FMN1: variants seen among roughly 807,000 people sequenced by gnomAD.
The protein encoded by FMN1 is formin 1.
In FMN1, 110 loss-of-function variants were observed where a neutral mutation model predicts 132.4. That is an observed-to-expected ratio of 0.83 (90% confidence interval 0.71 to 0.97). The LOEUF (loss-of-function observed/expected upper bound fraction) is 0.97, where lower values mean the gene tolerates loss of function less well. Among genes scored for constraint, FMN1 ranks in the 50% least tolerant of loss-of-function variants. The probability of loss-of-function intolerance (pLI) is 0.00; values close to 1 mark genes in which losing one functional copy is unlikely to be tolerated. For synonymous variants in FMN1, 722 were observed against 651.7 expected, an observed-to-expected ratio of 1.11 and a Z score of -1.64; for missense variants, 1,792 against 1,705.3, an observed-to-expected ratio of 1.05 and a Z score of -0.90.
At chr15:32,902,649 A>G (rs1172018867) in intron 12 of FMN1, among the ~76,000 whole-genome samples, 1 of 152,234 alleles carries the variant, frequency 6.6e-6, no homozygotes, top group Non-Finnish European at 1.5e-5. Flanking sequence ...CAAAGCAGGC[A>G]CTCATTAAGT....
chr15:32,808,289 C>A (rs2057752111), intron 17 of FMN1, among the ~76,000 whole-genome samples: 1 of 152,222 alleles, frequency 6.6e-6, no homozygotes, highest in South Asian at 2.1e-4. Context: ...CAAGCTTTAA[C>A]CCTAGCTGTG....
intron 6 of FMN1, among the ~76,000 whole-genome samples, chr15:33,039,094 TAAAC>T (rs1323550180): frequency 1.3e-5 from 2 of 152,152 alleles, no homozygotes. Flanking sequence ...CACACGATGT[TAAAC>T]AATATAGTAA....
chr15:32,776,705 T>TA (rs2056430219), intron 20 of FMN1, 130 bp downstream of exon 20: 4 of 512,588 alleles, frequency 7.8e-6, no homozygotes, highest in East Asian at 3.2e-5. Context: ...TTTTTTTTTT[T>TA]AACCATATGC....
intron 9 of FMN1, among the ~76,000 whole-genome samples, chr15:32,961,310 T>C (rs1360280112): frequency 6.7e-6 from 1 of 150,360 alleles, no homozygotes; most frequent in East Asian, 2.4e-4. Context: ...ATATTTGTGT[T>C]TTTAGTAGAG....
intron 2 of FMN1, among the ~76,000 whole-genome samples, chr15:33,189,111 C>T: frequency 6.6e-6 from 1 of 152,006 alleles, no homozygotes; most frequent in East Asian, 1.9e-4. Flanking sequence ...AAAATTAGGA[C>T]CAGTTGAAAA....
At chr15:32,798,339 C>T (rs1424279828) in intron 19 of FMN1, among the ~76,000 whole-genome samples, 6 of 152,114 alleles carry the variant, frequency 3.9e-5, no homozygotes, top group East Asian at 1.9e-4. Flanking sequence ...TCAGAAGTGG[C>T]GCTGTAAATC....
At chr15:33,143,903 G>A (rs898441221) in intron 4 of FMN1, among the ~76,000 whole-genome samples, 5 of 152,088 alleles carry the variant, frequency 3.3e-5, no homozygotes, top group South Asian at 2.1e-4. Context: ...CAGAAGAATC[G>A]CTGAGTTAAT....
At chr15:32,914,327 T>C (rs1214199293) in intron 10 of FMN1, among the ~76,000 whole-genome samples, 1 of 152,188 alleles carries the variant, frequency 6.6e-6, no homozygotes, top group Non-Finnish European at 1.5e-5. Context: ...TTTGTAAGTA[T>C]GCAATACGTG....
intron 17 of FMN1, among the ~76,000 whole-genome samples, chr15:32,849,971 A>G (rs1024446420): frequency 1.3e-5 from 2 of 152,216 alleles, no homozygotes; most frequent in Admixed American, 1.3e-4. Flanking sequence ...AGCTTTCTTC[A>G]TCTTCCAAGG....
intron 9 of FMN1, among the ~76,000 whole-genome samples, chr15:32,935,475 A>G (rs1299121275): frequency 6.6e-6 from 1 of 152,050 alleles, no homozygotes; most frequent in East Asian, 1.9e-4. Flanking sequence ...ATCCATCGGG[A>G]TTCTTCAATC....
chr15:32,953,530 C>T (rs1425400654), intron 9 of FMN1, among the ~76,000 whole-genome samples: 3 of 152,160 alleles, frequency 2.0e-5, no homozygotes, highest in Non-Finnish European at 4.4e-5. Flanking sequence ...GGAGGGAAAT[C>T]AGGTCAGGTC....
intron 17 of FMN1, among the ~76,000 whole-genome samples, chr15:32,819,332 C>T (rs1229823851): frequency 6.6e-6 from 1 of 151,942 alleles, no homozygotes; most frequent in Non-Finnish European, 1.5e-5. Context: ...TTGTAAATGC[C>T]CAGCAGGATA....
intron 4 of FMN1, among the ~76,000 whole-genome samples, chr15:33,114,574 C>T (rs865907710): frequency 1.3e-5 from 2 of 152,146 alleles, no homozygotes; most frequent in Admixed American, 6.5e-5. Context: ...AAGAACACCA[C>T]GCAAACGCGA....
At chr15:33,001,290 A>T (rs1024845589) in intron 7 of FMN1, among the ~76,000 whole-genome samples, 1 of 150,036 alleles carries the variant, frequency 6.7e-6, no homozygotes, top group Non-Finnish European at 1.5e-5. Context: ...TCTCAAAAAG[A>T]AAAAAAAAAG....
At chr15:33,022,424 G>C (rs563717251) in intron 6 of FMN1, among the ~76,000 whole-genome samples, 1 of 152,284 alleles carries the variant, frequency 6.6e-6, no homozygotes, top group Non-Finnish European at 1.5e-5. Flanking sequence ...AAGTGGACTA[G>C]TATGGATATG....
chr15:33,129,707 C>T (rs1420142875), intron 4 of FMN1, among the ~76,000 whole-genome samples: 1 of 152,038 alleles, frequency 6.6e-6, no homozygotes, highest in Non-Finnish European at 1.5e-5. Context: ...CAGGGCTTTA[C>T]TCCAAGTCTG....
chr15:33,097,977 A>C (rs949377148), intron 4 of FMN1, among the ~76,000 whole-genome samples: 1 of 152,232 alleles, frequency 6.6e-6, no homozygotes, highest in Admixed American at 6.5e-5. Context: ...TATGGAATTT[A>C]TCAAAATAGA....
chr15:32,985,929 T>C (rs539771947), intron 7 of FMN1, among the ~76,000 whole-genome samples: 32 of 152,248 alleles, frequency 2.1e-4, no homozygotes, highest in African/African-American at 7.7e-4. Context: ...CCCACTTCAA[T>C]AACATTAAGG....
intron 4 of FMN1, among the ~76,000 whole-genome samples, chr15:33,116,048 T>C (rs1394302781): frequency 6.6e-6 from 1 of 152,148 alleles, no homozygotes; most frequent in Non-Finnish European, 1.5e-5. Flanking sequence ...ACCTTAAAGG[T>C]ATATCCAGAA....
Sources: gnomAD v4.1 joint callset for allele counts (sites outside exome capture counted in the v4.1 genomes callset) on GRCh38, gnomAD v4.1.1 for gene constraint, MANE v1.5 for transcripts, NCBI Gene and HGNC (gene_info 2026-07-23, HGNC 2026-07-21) for gene names.